Variants in BLTP1 observed in about 807,000 individuals in gnomAD.
The protein encoded by BLTP1 is bridge-like lipid transfer protein family member 1.
At chr4:122,223,895 G>A in the BLTP1 span, 8 of 511,180 alleles carry the variant, frequency 1.6e-5, no homozygotes, top group African/African-American at 1.7e-4. Context: ...TGTGGAACTA[G>A]TGTTCCATGA....
chr4:122,261,329 G>C, the BLTP1 span: 1 of 984,918 alleles, frequency 1.0e-6, no homozygotes, highest in Non-Finnish European at 1.2e-6. Context: ...TGTTAAAGCT[G>C]TTCATTTTCA....
At chr4:122,219,504 C>T in the BLTP1 span, 1 of 1,613,990 alleles carries the variant, frequency 6.2e-7, no homozygotes, top group Non-Finnish European at 8.5e-7. Flanking sequence ...ATCCACTTGC[C>T]TTGCGTCCTT....
the BLTP1 span, among the ~76,000 whole-genome samples, chr4:122,152,797 G>A: frequency 6.6e-6 from 1 of 152,210 alleles, no homozygotes; most frequent in Non-Finnish European, 1.5e-5. Flanking sequence ...GAAGGGCCAT[G>A]GCAGTCGGAT....
chr4:122,244,081 GATATGATAAGT>G, the BLTP1 span: 1 of 1,490,964 alleles, frequency 6.7e-7, no homozygotes, highest in Non-Finnish European at 8.9e-7. Context: ...ATTACTCTGT[GATATGATAAGT>G]ATATGTGATA....
At chr4:122,165,683 T>C in the BLTP1 span, among the ~76,000 whole-genome samples, 2 of 128,414 alleles carry the variant, frequency 1.6e-5, no homozygotes, top group African/African-American at 5.2e-5. Context: ...GTTTACAGTC[T>C]CACCAACAGT....
the BLTP1 span, chr4:122,249,306 T>A: frequency 2.9e-6 from 2 of 697,970 alleles, no homozygotes; most frequent in Non-Finnish European, 3.5e-6. Flanking sequence ...AATCTTCTTT[T>A]CTTCCTCTTA....
the BLTP1 span, among the ~76,000 whole-genome samples, chr4:122,320,621 T>C: frequency 6.6e-6 from 1 of 152,186 alleles, no homozygotes; most frequent in Non-Finnish European, 1.5e-5. Flanking sequence ...TTTTAATTAG[T>C]GATAGGATGG....
chr4:122,159,290 C>T, the BLTP1 span, among the ~76,000 whole-genome samples: 7 of 151,692 alleles, frequency 4.6e-5, no homozygotes, highest in African/African-American at 9.7e-5. Flanking sequence ...GGTGAAACCC[C>T]GTCTCTATTA....
the BLTP1 span, chr4:122,270,241 G>A: frequency 2.7e-6 from 1 of 369,620 alleles, no homozygotes; most frequent in Non-Finnish European, 3.7e-6. Flanking sequence ...AATTCTTTAA[G>A]TTAAATGCAA....
the BLTP1 span, chr4:122,214,160 A>ATTT: frequency 1.2e-6 from 1 of 843,714 alleles, no homozygotes; most frequent in Non-Finnish European, 1.4e-6. Context: ...GCCTATTGTT[A>ATTT]TTTTTTTTTT....
chr4:122,339,628 G>T, the BLTP1 span, among the ~76,000 whole-genome samples: 1 of 152,034 alleles, frequency 6.6e-6, no homozygotes, highest in African/African-American at 2.4e-5. Flanking sequence ...TAGCTGAATG[G>T]CAATTAGACA....
At chr4:122,251,132 G>C in the BLTP1 span, 1 of 980,296 alleles carries the variant, frequency 1.0e-6, no homozygotes, top group Non-Finnish European at 1.2e-6. Flanking sequence ...CCTGGGGCAA[G>C]TTCCTAACCT....
chr4:122,173,571 A>C, the BLTP1 span, among the ~76,000 whole-genome samples: 1 of 152,200 alleles, frequency 6.6e-6, no homozygotes, highest in African/African-American at 2.4e-5. Context: ...TGAGTTTTAG[A>C]GGGAACAAAC....
At chr4:122,329,036 T>G in the BLTP1 span, among the ~76,000 whole-genome samples, 1 of 151,772 alleles carries the variant, frequency 6.6e-6, no homozygotes. Context: ...ATTTTGAGTT[T>G]TAGGGATTCT....
the BLTP1 span, chr4:122,220,951 GAT>G: frequency 3.7e-6 from 1 of 272,118 alleles, no homozygotes; most frequent in Non-Finnish European, 5.6e-6. Flanking sequence ...GAGAACCAAT[GAT>G]ATTCATCAAG....
chr4:122,230,335 G>A, the BLTP1 span: 41 of 777,698 alleles, frequency 5.3e-5, no homozygotes, highest in Non-Finnish European at 8.0e-5. Context: ...TAACATGATT[G>A]TGCTGCTGCA....
chr4:122,238,600 A>G, the BLTP1 span, among the ~76,000 whole-genome samples: 2 of 152,276 alleles, frequency 1.3e-5, no homozygotes, highest in Admixed American at 1.3e-4. Flanking sequence ...TCATCCCACC[A>G]CTCAGAGTGA....
At chr4:122,155,730 C>G in the BLTP1 span, among the ~76,000 whole-genome samples, 1 of 152,108 alleles carries the variant, frequency 6.6e-6, no homozygotes, top group Non-Finnish European at 1.5e-5. Context: ...TTTTGAGGAA[C>G]TTGTATAGAA....
chr4:122,240,015 G>A, the BLTP1 span: 5 of 1,614,006 alleles, frequency 3.1e-6, no homozygotes, highest in African/African-American at 1.3e-5. Context: ...TACTGGACAT[G>A]GAGAAAGCAT....
Sources: allele counts gnomAD v4.1 joint callset (sites outside exome capture counted in the v4.1 genomes callset), GRCh38; gene constraint gnomAD v4.1.1; transcripts MANE v1.5; gene names NCBI Gene and HGNC (gene_info 2026-07-23, HGNC 2026-07-21).